The following MTUS2 variants were observed in gnomAD, a reference collection of about 807,000 sequenced individuals.
The protein encoded by MTUS2 is microtubule associated scaffold protein 2, also known as microtubule-associated tumor suppressor candidate 2.
In MTUS2, 40 loss-of-function variants were observed where a neutral mutation model predicts 114.1. The observed-to-expected ratio is 0.35, with a 90% CI of 0.27 to 0.46. The LOEUF (loss-of-function observed/expected upper bound fraction) is 0.46. Ranked by LOEUF, MTUS2 falls within the 20% of genes least tolerant of loss-of-function variation. The probability of loss-of-function intolerance (pLI) is 1.00; values close to 1 mark genes in which losing one functional copy is unlikely to be tolerated. For missense variants in MTUS2, 1,679 were observed against 1,705.4 expected, an observed-to-expected ratio of 0.98 and a Z score of 0.27; for synonymous variants, 688 against 672.0, an observed-to-expected ratio of 1.02 and a Z score of -0.37.
At chr13:29,484,615 C>T (rs117768012) in intron 10 of MTUS2, among the ~76,000 whole-genome samples, 2,232 of 152,310 alleles carry the variant, frequency 0.015, 29 homozygotes, top group South Asian at 0.032. Flanking sequence ...AGGGCCCCCT[C>T]GTTATCTAAA....
At chr13:28,951,062 A>G (rs1593326683) in intron 2 of MTUS2, among the ~76,000 whole-genome samples, 1 of 152,228 alleles carries the variant, frequency 6.6e-6, no homozygotes, top group African/African-American at 2.4e-5. Flanking sequence ...TAAAAACTCC[A>G]CTTAAAAATT....
intron 5 of MTUS2, among the ~76,000 whole-genome samples, chr13:29,168,494 A>G (rs1893411971): frequency 6.6e-6 from 1 of 152,198 alleles, no homozygotes; most frequent in Admixed American, 6.5e-5. Context: ...TTCATCTTAG[A>G]GTTGAATAGA....
intron 5 of MTUS2, among the ~76,000 whole-genome samples, chr13:29,235,426 A>C (rs766023925): frequency 4.6e-5 from 7 of 152,154 alleles, no homozygotes; most frequent in Non-Finnish European, 1.0e-4. Context: ...CTAATATTTA[A>C]ACCTTAAAAA....
At position 28,970,592 on chromosome 13, in the gene MTUS2, G is replaced by C. The variant is rs148033863; in HGVS notation, c.-242-53865G>C. Among the ~76,000 whole-genome samples the C allele has an allele frequency of 1.8e-3, 273 of 152,348 alleles. 1 individual carries two copies. Among genetic ancestry groups the C allele is most frequent in the African/African-American group, 6.0e-3 (251 of 41,576 alleles). On this transcript the variant is annotated intron_variant, in intron 2 of 15. Transcript: ENST00000612955. ...CCTTCTGCTCTGGAACCATAAATTA[G>C]AACAGGAAGAAAAGTAAGAAGATGA... is the stretch of plus-strand genomic sequence containing the variant.
intron 5 of MTUS2, among the ~76,000 whole-genome samples, chr13:29,249,287 C>T (rs974126754): frequency 1.3e-5 from 2 of 152,228 alleles, no homozygotes; most frequent in South Asian, 2.1e-4. Flanking sequence ...CCGCACCCAG[C>T]CAAAACGAAT....
intron 5 of MTUS2, among the ~76,000 whole-genome samples, chr13:29,173,380 C>G (rs1893641173): frequency 6.6e-6 from 1 of 152,084 alleles, no homozygotes; most frequent in African/African-American, 2.4e-5. Context: ...CTCTTTAGGT[C>G]TAAATGTTAA....
chr13:29,298,774 A>T (rs1899060805), intron 6 of MTUS2, among the ~76,000 whole-genome samples: 1 of 152,192 alleles, frequency 6.6e-6, no homozygotes, highest in Non-Finnish European at 1.5e-5. Flanking sequence ...TAACTCTAAA[A>T]GCATGTTATT....
At chr13:29,124,242 T>G in intron 5 of MTUS2, among the ~76,000 whole-genome samples, 1 of 152,190 alleles carries the variant, frequency 6.6e-6, no homozygotes. Context: ...TTACAGGTCA[T>G]AGATTAGTGG....
At chr13:28,972,125 C>T (rs1166920271) in intron 2 of MTUS2, among the ~76,000 whole-genome samples, 2 of 152,172 alleles carry the variant, frequency 1.3e-5, no homozygotes, top group Admixed American at 1.3e-4. Flanking sequence ...AAATATTTTG[C>T]GTAGATCAAA....
chr13:29,031,262 G>GTGTGTGTGTGTGTGTGTGTA, intron 3 of MTUS2, among the ~76,000 whole-genome samples: 1 of 149,006 alleles, frequency 6.7e-6, no homozygotes, highest in East Asian at 2.0e-4. Flanking sequence ...GTGTGTGTGT[G>GTGTGTGTGTGTGTGTGTGTA]TGTGTGTGGT....
At chr13:29,092,441 G>C (rs1889998574) in intron 4 of MTUS2, among the ~76,000 whole-genome samples, 1 of 152,146 alleles carries the variant, frequency 6.6e-6, no homozygotes, top group Non-Finnish European at 1.5e-5. Flanking sequence ...TTTGGGTAGG[G>C]ACCACCCTCG....
intron 8 of MTUS2, among the ~76,000 whole-genome samples, chr13:29,394,443 A>G (rs1179866522): frequency 6.6e-6 from 1 of 152,226 alleles, no homozygotes; most frequent in Non-Finnish European, 1.5e-5. Flanking sequence ...TGTGGAATCA[A>G]TAGAAAGTAA....
chr13:29,100,648 C>A, intron 4 of MTUS2, 125 bp from the exon 5 acceptor site: 1 of 1,172,310 alleles, frequency 8.5e-7, no homozygotes, highest in Non-Finnish European at 1.2e-6. Flanking sequence ...TGTGTTGAAT[C>A]AAACCTTGCA....
At chr13:29,222,643 G>T (rs1355345289) in intron 5 of MTUS2, among the ~76,000 whole-genome samples, 1 of 152,220 alleles carries the variant, frequency 6.6e-6, no homozygotes, top group African/African-American at 2.4e-5. Context: ...AGGAACGGGT[G>T]AGAACCCCAC....
intron 5 of MTUS2, among the ~76,000 whole-genome samples, chr13:29,112,650 A>G (rs1423694099): frequency 6.6e-6 from 1 of 152,152 alleles, no homozygotes; most frequent in African/African-American, 2.4e-5. Context: ...AGAAAGATCC[A>G]GTAACCAGGG....
intron 2 of MTUS2, among the ~76,000 whole-genome samples, chr13:28,896,534 A>G (rs1475553603): frequency 1.3e-5 from 2 of 152,258 alleles, no homozygotes; most frequent in African/African-American, 4.8e-5. Flanking sequence ...CTTTCTTCAC[A>G]GAATTGGAAA....
intron 9 of MTUS2, among the ~76,000 whole-genome samples, chr13:29,456,997 T>C (rs1044226116): frequency 6.8e-6 from 1 of 148,030 alleles, no homozygotes; most frequent in Non-Finnish European, 1.5e-5. Flanking sequence ...AAAAAAAAAT[T>C]AGCCAGGCAT....
At chr13:29,063,935 T>C (rs1888535879) in intron 4 of MTUS2, among the ~76,000 whole-genome samples, 1 of 152,198 alleles carries the variant, frequency 6.6e-6, no homozygotes, top group Non-Finnish European at 1.5e-5. Flanking sequence ...TCAGATCCTA[T>C]GGGTGCCCTT....
chr13:29,127,997 A>G (rs1464585334), intron 5 of MTUS2, among the ~76,000 whole-genome samples: 1 of 152,232 alleles, frequency 6.6e-6, no homozygotes, highest in Non-Finnish European at 1.5e-5. Flanking sequence ...TCAGTGTTGA[A>G]GCAAATGTTG....
Sources: allele counts gnomAD v4.1 joint callset (sites outside exome capture counted in the v4.1 genomes callset), GRCh38; gene constraint gnomAD v4.1.1; transcripts MANE v1.5; gene names NCBI Gene and HGNC (gene_info 2026-07-23, HGNC 2026-07-21).